The following OTUD7A variants were observed in gnomAD, a reference collection of about 807,000 sequenced individuals.
OTUD7A encodes the protein OTU deubiquitinase 7A, also known as OTU domain-containing protein 7A.
A neutral mutation model predicts 65.7 loss-of-function variants in OTUD7A; 12 were observed. The observed-to-expected ratio is 0.18, with a 90% confidence interval of 0.12 to 0.30. The LOEUF (loss-of-function observed/expected upper bound fraction) is 0.30. OTUD7A is among the 10% of genes least tolerant of loss of function. The pLI, the probability that OTUD7A is intolerant of heterozygous loss-of-function variation, is 1.00. For missense variants in OTUD7A, 1,148 were observed against 1,304.8 expected, an observed-to-expected ratio of 0.88 and a Z score of 1.85; for synonymous variants, 641 against 586.3, an observed-to-expected ratio of 1.09 and a Z score of -1.35.
intron 3 of OTUD7A, among the ~76,000 whole-genome samples, chr15:31,601,622 A>G (rs964697750): frequency 6.6e-6 from 1 of 152,196 alleles, no homozygotes; most frequent in Non-Finnish European, 1.5e-5. Context: ...GCAGAACTGA[A>G]GGAGATAGAG....
intron 10 of OTUD7A, among the ~76,000 whole-genome samples, chr15:31,495,242 CCT>C (rs1455471436): frequency 6.6e-6 from 1 of 152,122 alleles, no homozygotes; most frequent in Non-Finnish European, 1.5e-5. Flanking sequence ...GCTTTGGGTC[CCT>C]GAGTTGATGG....
intron 5 of OTUD7A, among the ~76,000 whole-genome samples, chr15:31,546,370 T>C (rs914898224): frequency 2.6e-5 from 4 of 152,212 alleles, no homozygotes; most frequent in Admixed American, 6.5e-5. Context: ...AGTGTGGCTA[T>C]ATATGAAGAC....
chr15:31,568,263 G>A (rs1888938724), intron 4 of OTUD7A, among the ~76,000 whole-genome samples: 1 of 152,256 alleles, frequency 6.6e-6, no homozygotes, highest in Admixed American at 6.5e-5. Flanking sequence ...CTCTTGCACT[G>A]GTGTGCCCTG....
intron 1 of OTUD7A, among the ~76,000 whole-genome samples, chr15:31,660,149 T>C (rs1892119665): frequency 6.6e-6 from 1 of 152,290 alleles, no homozygotes; most frequent in Admixed American, 6.5e-5. Context: ...TATACATCCC[T>C]GTTAAGGGGG....
chr15:31,767,146 G>A, intron 1 of OTUD7A: 1 of 1,414,314 alleles, frequency 7.1e-7, no homozygotes, highest in Admixed American at 1.8e-5. Flanking sequence ...AGCAGACTGA[G>A]AAGGCGGCAC....
In OTUD7A at chr15:31,530,805, C is replaced by T. The variant is rs1376932628; in HGVS notation, c.554G>A (p.Arg185His). 1.2e-6 allele frequency: 2 copies of T among 1,612,998 alleles called. No individual in the cohort carries two copies. The highest frequency in any genetic ancestry group is 8.5e-7 in the Non-Finnish European group (1 of 1,179,498). Reference protein sequence around the residue: ...ATMVALEQAGRLNWWSTVCTS... With the variant: ...ATMVALEQAGHLNWWSTVCTS... ...GCACACAGTGGACCACCAGTTCAGG[C>T]GACCTGGAAAAGAAGCTCACTTTAG... The change falls in exon 6 of 13, where the codon CGC becomes CAC. Residue 185 changes from arginine (R) to histidine (H), a missense_variant. By Grantham distance (29) the Arg-to-His change is conservative (BLOSUM62 0). This residue lies in a region of OTUD7A where 134 missense variants were observed against 252.6 expected (regional missense o/e 0.53). Coordinates refer to ENST00000307050, the MANE Select transcript of OTUD7A (RefSeq NM_001382637.1).
chr15:31,836,881 C>T (rs1360385460), intron 1 of OTUD7A, among the ~76,000 whole-genome samples: 2 of 152,184 alleles, frequency 1.3e-5, no homozygotes, highest in Non-Finnish European at 2.9e-5. Context: ...ATAGCTATAT[C>T]ATAATGAATG....
At chr15:31,546,766 T>A (rs369438437) in intron 5 of OTUD7A, among the ~76,000 whole-genome samples, 8 of 152,212 alleles carry the variant, frequency 5.3e-5, no homozygotes, top group Non-Finnish European at 1.2e-4. Flanking sequence ...TGTATATACA[T>A]TGCAGTGCAA....
chr15:31,633,721 G>A (rs1202875670), intron 3 of OTUD7A, among the ~76,000 whole-genome samples: 1 of 152,102 alleles, frequency 6.6e-6, no homozygotes, highest in Admixed American at 6.5e-5. Context: ...GTGCCTACCT[G>A]CTCTAACCCA....
intron 1 of OTUD7A, among the ~76,000 whole-genome samples, chr15:31,700,153 C>T (rs1331935674): frequency 1.3e-5 from 2 of 151,856 alleles, no homozygotes; most frequent in Non-Finnish European, 1.5e-5. Context: ...ATGGCACCAT[C>T]GTCCTTCATC....
intron 1 of OTUD7A, among the ~76,000 whole-genome samples, chr15:31,738,855 A>AT (rs1894263054): frequency 6.6e-6 from 1 of 152,226 alleles, no homozygotes; most frequent in African/African-American, 2.4e-5. Context: ...TCAGCGGACG[A>AT]TTTTAAACTT....
chr15:31,830,096 C>A (rs373940897), intron 1 of OTUD7A, among the ~76,000 whole-genome samples: 9 of 152,280 alleles, frequency 5.9e-5, no homozygotes, highest in African/African-American at 1.9e-4. Flanking sequence ...GCTGCTTGCT[C>A]GAGTCCAAGC....
intron 1 of OTUD7A, among the ~76,000 whole-genome samples, chr15:31,762,594 T>C (rs1350275022): frequency 6.6e-6 from 1 of 152,216 alleles, no homozygotes; most frequent in Non-Finnish European, 1.5e-5. Flanking sequence ...ACTATAGGAC[T>C]AGCTATCATC....
chr15:31,600,809 C>T (rs1890050860), intron 3 of OTUD7A, among the ~76,000 whole-genome samples: 1 of 152,136 alleles, frequency 6.6e-6, no homozygotes, highest in Non-Finnish European at 1.5e-5. Context: ...GGGTTGCAAT[C>T]CTAGTCTCTG....
rs147606116 is a variant in OTUD7A at position 31,659,802 on chromosome 15, G to C, written c.-99-2725C>G. Reference sequence around the variant, plus strand: ...GGGAGTGGGAGCTCGCTCTCATCAGGTCTGTTTGATGATACAGCACACTGA... The same window carrying C: ...GGGAGTGGGAGCTCGCTCTCATCAGCTCTGTTTGATGATACAGCACACTGA... On this transcript the variant is annotated intron_variant, in intron 1 of 12. Transcript: ENST00000307050. Among the ~76,000 whole-genome samples the C allele has an allele frequency of 5.8e-3, 878 of 152,354 alleles. 10 individuals carry two copies. The highest frequency in any genetic ancestry group is 0.02 in the African/African-American group (843 of 41,590).
At chr15:31,723,028 C>G (rs1479710023) in intron 1 of OTUD7A, among the ~76,000 whole-genome samples, 1 of 152,128 alleles carries the variant, frequency 6.6e-6, no homozygotes, top group East Asian at 1.9e-4. Context: ...AGCAGTCCTT[C>G]CTACTAGCTA....
chr15:31,845,569 A>G (rs1007571809), intron 1 of OTUD7A, among the ~76,000 whole-genome samples: 15 of 152,282 alleles, frequency 9.9e-5, no homozygotes, highest in Middle Eastern at 3.4e-3. Context: ...CATGCTCAGC[A>G]CTTGGCCATG....
chr15:31,785,725 G>C (rs1895654919), intron 1 of OTUD7A, among the ~76,000 whole-genome samples: 1 of 152,212 alleles, frequency 6.6e-6, no homozygotes, highest in African/African-American at 2.4e-5. Flanking sequence ...AAAGCAGTGA[G>C]AGCCTGCCCT....
At chr15:31,647,191 C>T (rs1046600054) in intron 3 of OTUD7A, among the ~76,000 whole-genome samples, 2 of 151,100 alleles carry the variant, frequency 1.3e-5, no homozygotes, top group South Asian at 2.1e-4. Context: ...AGGGCCATCA[C>T]ACCTTGTGGT....
Sources: allele counts gnomAD v4.1 joint callset (sites outside exome capture counted in the v4.1 genomes callset), GRCh38; gene constraint gnomAD v4.1.1; regional missense constraint gnomAD v4.1.1; transcripts MANE v1.5; gene names NCBI Gene and HGNC (gene_info 2026-07-23, HGNC 2026-07-21).